BDKRB2: variants seen among roughly 807,000 people sequenced by gnomAD.
BDKRB2 encodes bradykinin receptor B2.
A neutral mutation model predicts 4.0 loss-of-function variants in BDKRB2; 6 were observed. The observed-to-expected ratio is 1.49, with a 90% CI of 0.81 to 2.93. BDKRB2 has a LOEUF of 2.93. Among genes scored for constraint, BDKRB2 ranks in the 30% most tolerant of loss-of-function variants. BDKRB2 has a pLI of 0.00. For synonymous variants in BDKRB2, 225 were observed against 215.3 expected (o/e 1.05, Z -0.40); for missense variants, 478 against 520.1 (o/e 0.92, Z 0.79).
At chr14:96,212,738 C>T (rs1241396754) in intron 1 of BDKRB2, among the ~76,000 whole-genome samples, 1 of 152,166 alleles carries the variant, frequency 6.6e-6, no homozygotes, top group Non-Finnish European at 1.5e-5. Flanking sequence ...GTAGGAGTTT[C>T]CATCAGCACC....
intron 1 of BDKRB2, among the ~76,000 whole-genome samples, chr14:96,234,772 T>C (rs1890894310): frequency 6.6e-6 from 1 of 152,200 alleles, no homozygotes; most frequent in South Asian, 2.1e-4. Context: ...TGTGGCCAGA[T>C]CTGGGGACAC....
chr14:96,237,968 A>G, intron 2 of BDKRB2: 1 of 1,190,520 alleles, frequency 8.4e-7, no homozygotes, highest in Non-Finnish European at 1.1e-6. Context: ...AGCCAGGGGT[A>G]TGCAGGAAAT....
chr14:96,237,937 T>C (rs1469305611), intron 2 of BDKRB2: 4 of 1,220,648 alleles, frequency 3.3e-6, no homozygotes, highest in African/African-American at 1.6e-5. Context: ...AGTTAGCTCA[T>C]GAAAGATGAC....
intron 1 of BDKRB2, among the ~76,000 whole-genome samples, chr14:96,219,641 T>TATCAGCATCAGC (rs1286824346): frequency 1.3e-5 from 2 of 151,762 alleles, no homozygotes; most frequent in East Asian, 1.9e-4. Flanking sequence ...TTGCTGTCAC[T>TATCAGCATCAGC]ATCAGCATCA....
intron 1 of BDKRB2, among the ~76,000 whole-genome samples, chr14:96,224,854 C>A (rs1483204772): frequency 6.6e-6 from 1 of 152,170 alleles, no homozygotes; most frequent in African/African-American, 2.4e-5. Flanking sequence ...CAAGGGGCTC[C>A]ACCTCCTGAG....
chr14:96,213,827 C>T (rs1485614692), intron 1 of BDKRB2, among the ~76,000 whole-genome samples: 1 of 152,060 alleles, frequency 6.6e-6, no homozygotes, highest in Non-Finnish European at 1.5e-5. Flanking sequence ...CTCCACTTGA[C>T]AGTTGAGGAA....
At chr14:96,235,388 A>T (rs1595262698) in intron 1 of BDKRB2, among the ~76,000 whole-genome samples, 1 of 151,352 alleles carries the variant, frequency 6.6e-6, no homozygotes, top group Admixed American at 6.6e-5. Flanking sequence ...CGCTTCAAAC[A>T]CATGATCTCT....
Position 96,204,921 on chromosome 14 carries a change from G to A in BDKRB2, c.-78G>A, listed in dbSNP as rs1368169209. ...ACATCAGGCTGCCCCGCAGTACCAGGGAGCGACTGAAGTGCCCATGCCGCT... is the reference window on the plus strand; with the variant it reads ...ACATCAGGCTGCCCCGCAGTACCAGAGAGCGACTGAAGTGCCCATGCCGCT... On this transcript the variant is annotated 5_prime_UTR_variant, in exon 1 of 3. Transcript: ENST00000554311. The A allele has an allele frequency of 1.0e-5, 3 of 299,296 alleles. No individual in the cohort carries two copies. Among genetic ancestry groups the A allele is most frequent in the Non-Finnish European group, 2.0e-5 (3 of 146,380 alleles). The allele number at this position is 299,296 out of a possible 1,614,324, so 18.5% of individuals were successfully genotyped here.
intron 1 of BDKRB2, among the ~76,000 whole-genome samples, chr14:96,214,407 G>A (rs1566688167): frequency 6.6e-6 from 1 of 152,152 alleles, no homozygotes; most frequent in Non-Finnish European, 1.5e-5. Context: ...TGAGTGCCAG[G>A]GATGACCACA....
chr14:96,225,886 G>A (rs1168840450), intron 1 of BDKRB2, among the ~76,000 whole-genome samples: 1 of 152,164 alleles, frequency 6.6e-6, no homozygotes, highest in Non-Finnish European at 1.5e-5. Context: ...TGGTTAGGCA[G>A]AGACCCCGCC....
chr14:96,232,164 CGAACACATT>C (rs1318814083), intron 1 of BDKRB2, among the ~76,000 whole-genome samples: 1 of 152,198 alleles, frequency 6.6e-6, no homozygotes, highest in East Asian at 1.9e-4. Flanking sequence ...CTTATGTTCT[CGAACACATT>C]GACCACGTGC....
In BDKRB2 at chr14:96,241,668, G is replaced by A; in HGVS notation, c.*164G>A. On this transcript the variant is annotated 3_prime_UTR_variant, in exon 3 of 3. Transcript: ENST00000554311. ...ACTAATTCCTGCCCTGCCCAATTTT[G>A]CAGGGAGCATGGCTGTGAGGATGGG... 1 of 1,248,356 alleles carries A rather than the reference G, an allele frequency of 8.0e-7. No individual in the cohort carries two copies. Among genetic ancestry groups the A allele is most frequent in the Non-Finnish European group, 1.1e-6 (1 of 948,794 alleles). The allele number at this position is 1,248,356 out of a possible 1,614,324, so 77.3% of individuals were successfully genotyped here. A position where few individuals can be genotyped will look rare whatever the true frequency, so the allele number is the denominator to read the frequency against.
chr14:96,215,816 A>C (rs948664816), intron 1 of BDKRB2, among the ~76,000 whole-genome samples: 2 of 152,222 alleles, frequency 1.3e-5, no homozygotes, highest in African/African-American at 4.8e-5. Context: ...GCATCTACTA[A>C]TAATCAATCC....
chr14:96,218,684 A>G (rs1278459220), intron 1 of BDKRB2, among the ~76,000 whole-genome samples: 1 of 152,210 alleles, frequency 6.6e-6, no homozygotes, highest in South Asian at 2.1e-4. Context: ...TTGGGAGTCC[A>G]GGGCAGGCAG....
At chr14:96,240,325 C>T in intron 2 of BDKRB2, 78 bp from the exon 3 acceptor site, 2 of 1,388,708 alleles carry the variant, frequency 1.4e-6, no homozygotes, top group Admixed American at 5.5e-5. Context: ...GTCCTTAACC[C>T]CTGTCTCCTT....
chr14:96,211,645 C>G (rs946282257), intron 1 of BDKRB2, among the ~76,000 whole-genome samples: 1 of 152,200 alleles, frequency 6.6e-6, no homozygotes, highest in African/African-American at 2.4e-5. Context: ...GATGATTCCT[C>G]TCTCCACCCA....
Position 96,229,944 on chromosome 14 carries a change from C to T in BDKRB2, c.-39-7125C>T, listed in dbSNP as rs538881492. On this transcript the variant is annotated intron_variant, in intron 1 of 2. Transcript: ENST00000554311. Reference sequence around the variant, plus strand: ...GAGATCAAGACCATCCTGGCTAACACGGTGAAACCCTGTCTCTTCTAAAAA... The same window carrying T: ...GAGATCAAGACCATCCTGGCTAACATGGTGAAACCCTGTCTCTTCTAAAAA... 1.6e-4 allele frequency among the ~76,000 whole-genome samples: 25 copies of T among 151,812 alleles called. No homozygotes were observed. In the South Asian group the frequency reaches 4.6e-3, roughly 28 times the overall value.
intron 1 of BDKRB2, among the ~76,000 whole-genome samples, chr14:96,220,508 C>A (rs533523496): frequency 8.5e-4 from 130 of 152,090 alleles, no homozygotes; most frequent in Non-Finnish European, 1.6e-4. Context: ...CAAATGAGAT[C>A]ATCAAGGTCT....
chr14:96,226,317 G>A (rs530013192), intron 1 of BDKRB2, among the ~76,000 whole-genome samples: 1 of 152,172 alleles, frequency 6.6e-6, no homozygotes, highest in South Asian at 2.1e-4. Flanking sequence ...GCACACTGCT[G>A]TGTCTTCCAC....
Sources: allele counts gnomAD v4.1 joint callset (sites outside exome capture counted in the v4.1 genomes callset), GRCh38; gene constraint gnomAD v4.1.1; transcripts MANE v1.5; gene names NCBI Gene and HGNC (gene_info 2026-07-23, HGNC 2026-07-21).